The following LDLRAD4 variants were observed in gnomAD, a reference collection of about 807,000 sequenced individuals.
LDLRAD4 encodes low-density lipoprotein receptor class A domain-containing protein 4.
A neutral mutation model predicts 17.0 loss-of-function variants in LDLRAD4; 5 were observed. That is an observed-to-expected ratio of 0.29 (90% CI 0.15 to 0.62). LDLRAD4 has a LOEUF of 0.62. Ranked by LOEUF, LDLRAD4 falls within the 20% of genes least tolerant of loss-of-function variation. The pLI, the probability that LDLRAD4 is intolerant of heterozygous loss-of-function variation, is 0.84. For synonymous variants in LDLRAD4, 168 were observed against 171.8 expected (o/e 0.98, Z 0.17); for missense variants, 340 against 424.7 (o/e 0.80, Z 1.75).
chr18:13,287,360 A>C (rs189337886), intron 1 of LDLRAD4, among the ~76,000 whole-genome samples: 1 of 152,180 alleles, frequency 6.6e-6, no homozygotes, highest in Non-Finnish European at 1.5e-5. Context: ...ATGATTTTTC[A>C]AAAAACAGTT....
At chr18:13,397,378 C>T (rs751112081) in intron 2 of LDLRAD4, among the ~76,000 whole-genome samples, 32 of 152,178 alleles carry the variant, frequency 2.1e-4, no homozygotes, top group South Asian at 4.1e-4. Flanking sequence ...CTCCTGACCT[C>T]GTGATCCACC....
At chr18:13,417,205 C>T (rs918774624) in intron 2 of LDLRAD4, among the ~76,000 whole-genome samples, 8 of 152,204 alleles carry the variant, frequency 5.3e-5, no homozygotes, top group Admixed American at 2.6e-4. Flanking sequence ...AGTAGGGATA[C>T]ACCCAGCCAA....
intron 3 of LDLRAD4, among the ~76,000 whole-genome samples, chr18:13,513,926 A>G (rs527561963): frequency 6.6e-6 from 1 of 152,332 alleles, no homozygotes; most frequent in East Asian, 1.9e-4. Flanking sequence ...AGAAAGTAAT[A>G]TAGGCTTTTT....
At chr18:13,253,900 C>T (rs778532503) in intron 1 of LDLRAD4, among the ~76,000 whole-genome samples, 1 of 152,216 alleles carries the variant, frequency 6.6e-6, no homozygotes, top group Non-Finnish European at 1.5e-5. Flanking sequence ...CTCACCTGCC[C>T]TCCAGGCTGG....
chr18:13,223,195 G>A (rs943779773), intron 1 of LDLRAD4, among the ~76,000 whole-genome samples: 5 of 152,142 alleles, frequency 3.3e-5, no homozygotes, highest in African/African-American at 1.2e-4. Context: ...GGGACTGGAC[G>A]ACTGAGTGGC....
At chr18:13,373,834 G>T (rs2084696094) in intron 1 of LDLRAD4, among the ~76,000 whole-genome samples, 1 of 152,142 alleles carries the variant, frequency 6.6e-6, no homozygotes, top group African/African-American at 2.4e-5. Flanking sequence ...TTTTCATTTA[G>T]ACTGGATTTT....
At chr18:13,399,925 T>A (rs1321612156) in intron 2 of LDLRAD4, among the ~76,000 whole-genome samples, 1 of 152,238 alleles carries the variant, frequency 6.6e-6, no homozygotes, top group East Asian at 1.9e-4. Flanking sequence ...TATTTGTCAT[T>A]TAGATGCAAT....
intron 1 of LDLRAD4, among the ~76,000 whole-genome samples, chr18:13,293,708 G>A (rs930789790): frequency 1.3e-5 from 2 of 152,192 alleles, no homozygotes; most frequent in Admixed American, 1.3e-4. Context: ...TTGGATAAAT[G>A]TCCCTTTCCC....
At chr18:13,442,874 T>C (rs2091126008) in intron 3 of LDLRAD4, among the ~76,000 whole-genome samples, 3 of 152,156 alleles carry the variant, frequency 2.0e-5, no homozygotes, top group African/African-American at 2.4e-5. Flanking sequence ...CCACTGGACC[T>C]TAAGAGTAAG....
At chr18:13,563,868 G>T (rs2094566041) in intron 3 of LDLRAD4, among the ~76,000 whole-genome samples, 1 of 152,158 alleles carries the variant, frequency 6.6e-6, no homozygotes, top group Non-Finnish European at 1.5e-5. Context: ...TTAGAGCTGG[G>T]CCATTTTCTT....
intron 2 of LDLRAD4, among the ~76,000 whole-genome samples, chr18:13,394,819 T>C (rs983130579): frequency 2.6e-5 from 4 of 152,244 alleles, no homozygotes; most frequent in African/African-American, 9.6e-5. Context: ...CTTTTGTTCA[T>C]TGTACATCTG....
rs368135738 is a variant in LDLRAD4 at position 13,519,979 on chromosome 18, C to T, written c.181+81595C>T. On this transcript the variant is annotated intron_variant, in intron 3 of 5. Coordinates refer to ENST00000359446, the Ensembl canonical transcript of LDLRAD4. ...TTTAAAACATACTTGGAATTTGCTA[C>T]GTAAAATATGCACTAGCTACAGGTG... 1.1e-4 allele frequency: 17 copies of T among 152,254 alleles called. No individual in the cohort carries two copies. The South Asian group carries it at 1.2e-3, about 11-fold the overall frequency. 9.4% of individuals were successfully genotyped at this position (152,254 alleles called of 1,614,324 possible).
At chr18:13,273,505 G>A (rs1284879599), upstream of LDLRAD4, among the ~76,000 whole-genome samples, 2 of 152,064 alleles carry the variant, frequency 1.3e-5, no homozygotes, top group Non-Finnish European at 2.9e-5. Context: ...TTGCTATATT[G>A]CTCAGGCTTG....
At chr18:13,286,146 A>AT (rs1414898388) in intron 1 of LDLRAD4, among the ~76,000 whole-genome samples, 2 of 152,120 alleles carry the variant, frequency 1.3e-5, no homozygotes, top group African/African-American at 4.8e-5. Context: ...TGTCTCTATG[A>AT]TTTTGACTGC....
chr18:13,338,948 A>G (rs574585849), intron 1 of LDLRAD4, among the ~76,000 whole-genome samples: 4 of 152,278 alleles, frequency 2.6e-5, no homozygotes, highest in African/African-American at 9.6e-5. Flanking sequence ...GGAAAAGACA[A>G]CTTCTTTTTA....
At chr18:13,590,193 G>A (rs2094999021) in intron 3 of LDLRAD4, among the ~76,000 whole-genome samples, 1 of 151,916 alleles carries the variant, frequency 6.6e-6, no homozygotes, top group Non-Finnish European at 1.5e-5. Flanking sequence ...GGAAGGAGAT[G>A]TGGGTAAGGG....
intron 3 of LDLRAD4, among the ~76,000 whole-genome samples, chr18:13,483,049 G>A (rs2093131786): frequency 6.6e-6 from 1 of 152,138 alleles, no homozygotes; most frequent in African/African-American, 2.4e-5. Flanking sequence ...AAGCAAGGTG[G>A]AGAGAGGCCT....
chr18:13,256,331 G>T (rs1014032933), intron 1 of LDLRAD4, among the ~76,000 whole-genome samples: 19 of 152,108 alleles, frequency 1.2e-4, no homozygotes, highest in African/African-American at 4.6e-4. Flanking sequence ...TTAAAATAGG[G>T]TCCCTTTCTT....
chr18:13,310,066 A>G (rs966443832), intron 1 of LDLRAD4, among the ~76,000 whole-genome samples: 1 of 151,888 alleles, frequency 6.6e-6, no homozygotes, highest in African/African-American at 2.4e-5. Context: ...GAACCTCGGC[A>G]TGGTGTCTCA....
Sources: allele counts gnomAD v4.1 joint callset (sites outside exome capture counted in the v4.1 genomes callset), GRCh38; gene constraint gnomAD v4.1.1; transcripts MANE v1.5; gene names NCBI Gene and HGNC (gene_info 2026-07-23, HGNC 2026-07-21).